The following ADCK1 variants were observed in gnomAD, a reference collection of about 807,000 sequenced individuals.
The protein encoded by ADCK1 is aarF domain containing kinase 1.
ADCK1 carries 41 observed loss-of-function variants against 52.3 expected under a neutral mutation model. That is an observed-to-expected ratio of 0.78 (90% CI 0.61 to 1.02). The LOEUF is 1.02. ADCK1 is among the 50% of genes least tolerant of loss of function. The pLI is 0.00. For synonymous variants in ADCK1, 250 were observed against 274.6 expected (o/e 0.91, Z 0.89); for missense variants, 658 against 679.5 (o/e 0.97, Z 0.35).
chr14:77,924,216 TA>T (rs1234485486), intron 7 of ADCK1: 2 of 490,478 alleles, frequency 4.1e-6, no homozygotes, highest in Non-Finnish European at 7.1e-6. Flanking sequence ...CCTCGAACTT[TA>T]AAAAATACTG....
At chr14:77,881,453 A>G (rs1008426773) in intron 4 of ADCK1, among the ~76,000 whole-genome samples, 1 of 152,230 alleles carries the variant, frequency 6.6e-6, no homozygotes, top group Non-Finnish European at 1.5e-5. Context: ...GTGGATCATT[A>G]ATTCCAGCTC....
chr14:77,915,463 A>G (rs957385530), intron 7 of ADCK1, among the ~76,000 whole-genome samples: 9 of 151,958 alleles, frequency 5.9e-5, no homozygotes, highest in Non-Finnish European at 1.2e-4. Flanking sequence ...ATGCACACGT[A>G]TGTTTATTGT....
intron 5 of ADCK1, among the ~76,000 whole-genome samples, chr14:77,888,399 G>T (rs2140211424): frequency 6.6e-6 from 1 of 152,282 alleles, no homozygotes; most frequent in South Asian, 2.1e-4. Context: ...CTACATATTT[G>T]TGGATCTGAG....
At chr14:77,825,939 G>A (rs1340882346) in intron 3 of ADCK1, among the ~76,000 whole-genome samples, 1 of 152,276 alleles carries the variant, frequency 6.6e-6, no homozygotes, top group East Asian at 1.9e-4. Context: ...TTGCAGGCTC[G>A]GACACAGGGG....
At chr14:77,820,979 G>A (rs971506651) in intron 2 of ADCK1, 1 of 152,074 alleles carries the variant, frequency 6.6e-6, no homozygotes, top group Non-Finnish European at 1.5e-5. Context: ...GCCTCCCAAA[G>A]TGGTGGGATT....
intron 1 of ADCK1, among the ~76,000 whole-genome samples, chr14:77,811,064 A>G (rs891963050): frequency 2.0e-5 from 3 of 151,860 alleles, no homozygotes; most frequent in African/African-American, 7.3e-5. Context: ...TCAGCAGAAA[A>G]TACTCCAGGC....
intron 7 of ADCK1, among the ~76,000 whole-genome samples, chr14:77,914,036 A>G (rs1020548725): frequency 9.2e-5 from 14 of 152,130 alleles, no homozygotes; most frequent in Admixed American, 6.5e-4. Flanking sequence ...TGGTACTTTT[A>G]AAGTCTTTCA....
At chr14:77,924,370 A>G (rs2084133645) in intron 7 of ADCK1, 87 bp from the exon 8 acceptor site, 4 of 1,544,156 alleles carry the variant, frequency 2.6e-6, no homozygotes, top group Non-Finnish European at 3.5e-6. Context: ...CCTCCCCTTA[A>G]AAGTGACCAC....
chr14:77,852,671 A>ATATTTATATATATATATATATAT (rs1555351628), intron 3 of ADCK1, among the ~76,000 whole-genome samples: 2 of 10,804 alleles, frequency 1.9e-4, no homozygotes, highest in East Asian at 7.1e-3. Context: ...ATATATATAT[A>ATATTTATATATATATATATATAT]TATATATATA....
At chr14:77,914,558 C>T (rs1035865997) in intron 7 of ADCK1, 1 of 985,142 alleles carries the variant, frequency 1.0e-6, no homozygotes, top group Admixed American at 6.2e-5. Flanking sequence ...GAGGGTGGGG[C>T]TGGGTGAGGC....
chr14:77,819,199 A>G, intron 2 of ADCK1, 86 bp downstream of exon 2: 3 of 1,566,588 alleles, frequency 1.9e-6, no homozygotes, highest in Non-Finnish European at 2.6e-6. Context: ...CATGCCTGCT[A>G]TGCATATGTG....
chr14:77,832,429 CA>C (rs1478233225), intron 3 of ADCK1, among the ~76,000 whole-genome samples: 1 of 152,158 alleles, frequency 6.6e-6, no homozygotes, highest in Non-Finnish European at 1.5e-5. Flanking sequence ...GGAAAAGCAC[CA>C]AGTTGGACAG....
At chr14:77,802,430 G>A (rs1387446171) in intron 1 of ADCK1, among the ~76,000 whole-genome samples, 1 of 151,886 alleles carries the variant, frequency 6.6e-6, no homozygotes, top group Non-Finnish European at 1.5e-5. Context: ...TCTATTCTGG[G>A]ACCTTGGCAT....
At chr14:77,856,301 G>A (rs78990161) in intron 3 of ADCK1, among the ~76,000 whole-genome samples, 9,909 of 152,276 alleles carry the variant, frequency 0.065, 743 homozygotes, top group African/African-American at 0.18. Context: ...CACTGTTAAT[G>A]TTTCATTCCT....
chr14:77,877,226 A>G (rs1171467312), intron 4 of ADCK1, among the ~76,000 whole-genome samples: 1 of 152,170 alleles, frequency 6.6e-6, no homozygotes, highest in African/African-American at 2.4e-5. Context: ...AAAACAAACA[A>G]AAACACAAAG....
In ADCK1 at chr14:77,933,602, C is replaced by A; in HGVS notation, c.*211C>A. 1 of 561,522 alleles carries A rather than the reference C, an allele frequency of 1.8e-6. No homozygotes were observed. Among genetic ancestry groups the A allele is most frequent in the South Asian group, 2.8e-5 (1 of 35,866 alleles). 34.8% of individuals were successfully genotyped at this position (561,522 alleles called of 1,614,324 possible). A position where few individuals can be genotyped will look rare whatever the true frequency, so the allele number is the denominator to read the frequency against. On this transcript the variant is annotated 3_prime_UTR_variant, in exon 11 of 11. Coordinates refer to ENST00000238561, the MANE Select transcript of ADCK1 (RefSeq NM_020421.4). ...AAGCTGAACTGTGGCATAGCTCTCT[C>A]TTCTTCTCCAAGAAGACTCAGCAGC...
Position 77,844,064 on chromosome 14 carries a change from CTTTT to C in ADCK1, c.220-15008_220-15005del, listed in dbSNP as rs1034039528. On this transcript the variant is annotated intron_variant, in intron 3 of 10. Transcript: ENST00000238561. Reference sequence around the variant, plus strand: ...GGATGTGAATGACTGATCATAATTTCTTTTTTTCTTTTTTTTTTCTGGAGACAGA... The same window carrying C: ...GGATGTGAATGACTGATCATAATTTCTTTCTTTTTTTTTTCTGGAGACAGA... Among the ~76,000 whole-genome samples the C allele has an allele frequency of 7.2e-5, 11 of 152,038 alleles. No individual in the cohort carries two copies. The South Asian group carries it at 2.1e-3, about 29-fold the overall frequency.
chr14:77,816,109 G>T (rs1269040283), intron 1 of ADCK1, among the ~76,000 whole-genome samples: 1 of 152,062 alleles, frequency 6.6e-6, no homozygotes, highest in African/African-American at 2.4e-5. Context: ...TCTTGGCCCA[G>T]GAATCTGCAT....
rs1490023560 is a variant in ADCK1, at chr14:77,925,759, C to T, written c.1009-5C>T. On this transcript the variant is annotated splice_polypyrimidine_tract_variant and splice_region_variant and intron_variant, in intron 8 of 10. Coordinates refer to ENST00000238561, the MANE Select transcript of ADCK1 (RefSeq NM_020421.4). ...TAGGTCCCACCGCTGCCGCCTCCAC[C>T]CTAGATGCTCACGGAAGAATTCCGC... is the stretch of plus-strand genomic sequence containing the variant. The T allele has an allele frequency of 1.9e-6, 3 of 1,613,856 alleles. No individual in the cohort carries two copies. The highest frequency in any genetic ancestry group is 2.5e-6 in the Non-Finnish European group (3 of 1,179,866).
Sources: allele counts gnomAD v4.1 joint callset (sites outside exome capture counted in the v4.1 genomes callset), GRCh38; gene constraint gnomAD v4.1.1; transcripts MANE v1.5; gene names NCBI Gene and HGNC (gene_info 2026-07-23, HGNC 2026-07-21).